PSEN2: variants seen among roughly 807,000 people sequenced by gnomAD.
PSEN2 encodes the protein presenilin-2.
Under a neutral mutation model 49.1 loss-of-function variants are expected in PSEN2, and 32 were observed. The observed-to-expected ratio is 0.65, with a 90% CI of 0.49 to 0.88. The LOEUF (loss-of-function observed/expected upper bound fraction) is 0.88, where lower values mean the gene tolerates loss of function less well. Among genes scored for constraint, PSEN2 ranks in the 40% least tolerant of loss-of-function variants. PSEN2 has a pLI of 0.00. For missense variants in PSEN2, 522 were observed against 586.9 expected, an observed-to-expected ratio of 0.89 and a Z score of 1.14; for synonymous variants, 255 against 244.0, an observed-to-expected ratio of 1.05 and a Z score of -0.42.
intron 3 of PSEN2, among the ~76,000 whole-genome samples, chr1:226,876,104 G>A (rs1660611388): frequency 6.6e-6 from 1 of 152,112 alleles, no homozygotes; most frequent in Admixed American, 6.6e-5. Flanking sequence ...ACCCCCACCT[G>A]CCCGTGAGTC....
chr1:226,878,400 G>A lies in PSEN2; in HGVS notation c.-21+2850G>A, dbSNP rs1000648476. Among the ~76,000 whole-genome samples, 27 of 152,162 alleles carry A rather than the reference G, an allele frequency of 1.8e-4. No homozygotes were observed. The South Asian group carries it at 3.1e-3, about 18-fold the overall frequency. On this transcript the variant is annotated intron_variant, in intron 3 of 12. Transcript: ENST00000366783. The stretch of plus-strand genomic sequence containing the variant: ...TAGTGGTTGGCAACTGAATGGAGAC[G>A]TGGGAATTGTAAGGAACTGATTCTA...
chr1:226,884,071 G>A (rs545410798), intron 5 of PSEN2, 152 bp downstream of exon 5: 1 of 675,240 alleles, frequency 1.5e-6, no homozygotes, highest in South Asian at 1.8e-5. Context: ...TTCATGGCCT[G>A]GCTCACTGCC....
chr1:226,900,704 G>A (rs930670932), downstream of PSEN2, among the ~76,000 whole-genome samples: 1 of 152,142 alleles, frequency 6.6e-6, no homozygotes, highest in African/African-American at 2.4e-5. Flanking sequence ...GCTCCCTGAA[G>A]GCAGCCAGGG....
intron 3 of PSEN2, among the ~76,000 whole-genome samples, chr1:226,878,131 G>A (rs1660751585): frequency 6.6e-6 from 1 of 151,478 alleles, no homozygotes; most frequent in Admixed American, 6.6e-5. Context: ...CCAGGCTGAA[G>A]TGCAGTGGTG....
At chr1:226,903,243 C>T (rs1363427512) in intron 12 of PSEN2, among the ~76,000 whole-genome samples, 5 of 152,124 alleles carry the variant, frequency 3.3e-5, no homozygotes, top group Admixed American at 6.5e-5. Context: ...GATTTTGTCT[C>T]AGCCCTTGCT....
intron 4 of PSEN2, among the ~76,000 whole-genome samples, 183 bp downstream of exon 4, chr1:226,882,231 C>T (rs1407924216): frequency 1.3e-5 from 2 of 152,196 alleles, no homozygotes; most frequent in African/African-American, 2.4e-5. Context: ...CATAGGACTG[C>T]GCATTCACAG....
At chr1:226,891,484 C>T (rs917431713) in intron 10 of PSEN2, 123 bp downstream of exon 10, 118 of 888,530 alleles carry the variant, frequency 1.3e-4, no homozygotes, top group African/African-American at 3.8e-4. Flanking sequence ...GGGAAAGGTC[C>T]GTTGAAAACC....
intron 3 of PSEN2, among the ~76,000 whole-genome samples, chr1:226,879,262 G>C (rs1327322849): frequency 1.3e-5 from 2 of 152,172 alleles, no homozygotes; most frequent in African/African-American, 4.8e-5. Flanking sequence ...AGGTCCTGCA[G>C]CTCTTTGGGG....
intron 7 of PSEN2, 51 bp from the exon 8 acceptor site, chr1:226,888,778 C>A: frequency 6.6e-7 from 1 of 1,505,002 alleles, no homozygotes; most frequent in Non-Finnish European, 9.3e-7. Flanking sequence ...AACTGCTAGG[C>A]TGTAATGCCT....
At chr1:226,897,059 T>C (rs534620706), downstream of PSEN2, among the ~76,000 whole-genome samples, 146 of 152,226 alleles carry the variant, frequency 9.6e-4, no homozygotes, top group African/African-American at 3.2e-3. Flanking sequence ...GGCCGAACAC[T>C]GGCGGGTGGA....
intron 3 of PSEN2, among the ~76,000 whole-genome samples, chr1:226,876,492 G>C (rs922856572): frequency 2.0e-5 from 3 of 152,106 alleles, no homozygotes; most frequent in Non-Finnish European, 4.4e-5. Context: ...AGAATTAATA[G>C]CCTAAAATAA....
At chr1:226,893,150 C>T (rs949378985) in intron 11 of PSEN2, among the ~76,000 whole-genome samples, 4 of 152,094 alleles carry the variant, frequency 2.6e-5, no homozygotes, top group African/African-American at 4.8e-5. Flanking sequence ...GGGCTGGTTT[C>T]GAACTCCTGG....
Position 226,891,801 on chromosome 1 carries a change from C to A in PSEN2, c.1029C>A (p.Pro343=). The A allele has an allele frequency of 6.2e-7, 1 of 1,614,102 alleles. No homozygotes were observed. The highest frequency in any genetic ancestry group is 1.3e-5 in the African/African-American group (1 of 75,048). ...CATACCCCGAAGTCTTTGAGCCTCC[C>A]TTGACTGGCTACCCAGGGGAGGAGC... ...EPSYPEVFEP[P]LTGYPGEELE... is the part of the protein sequence containing the mutation. Residue 343 remains proline, a synonymous_variant, in exon 11 of 13, where the codon CCC becomes CCA. Transcript: ENST00000366783.
chr1:226,884,930 TAAAAA>T (rs1047582235), intron 5 of PSEN2, among the ~76,000 whole-genome samples: 1 of 152,004 alleles, frequency 6.6e-6, no homozygotes, highest in East Asian at 1.9e-4. Flanking sequence ...TTTAAAAAAT[TAAAAA>T]AGAAGTAGAG....
intron 3 of PSEN2, among the ~76,000 whole-genome samples, chr1:226,881,049 T>C (rs932819661): frequency 6.6e-6 from 1 of 152,206 alleles, no homozygotes; most frequent in Non-Finnish European, 1.5e-5. Context: ...GACTGTGTTT[T>C]CTCTCCTGCG....
chr1:226,884,903 C>G (rs1661251298), intron 5 of PSEN2, among the ~76,000 whole-genome samples: 1 of 152,080 alleles, frequency 6.6e-6, no homozygotes. Context: ...CAGAGTGAGA[C>G]CCTGTCTCAA....
chr1:226,886,111 T>G (rs940298457), intron 6 of PSEN2, among the ~76,000 whole-genome samples: 6 of 150,040 alleles, frequency 4.0e-5, no homozygotes, highest in African/African-American at 1.5e-4. Flanking sequence ...TCAAGTGATC[T>G]CCCACCTTGG....
At chr1:226,889,915 G>T in intron 8 of PSEN2, 120 bp from the exon 9 acceptor site, 1 of 812,720 alleles carries the variant, frequency 1.2e-6, no homozygotes, top group Non-Finnish European at 2.1e-6. Context: ...AATTTGGGAT[G>T]CCAGCCCAGA....
chr1:226,894,222 AT>A, intron 12 of PSEN2, 97 bp downstream of exon 12: 3 of 848,098 alleles, frequency 3.5e-6, no homozygotes, highest in Non-Finnish European at 5.7e-6. Context: ...GGGATTTTTC[AT>A]TTCTTCTCTT....
Sources: allele counts gnomAD v4.1 joint callset (sites outside exome capture counted in the v4.1 genomes callset), GRCh38; gene constraint gnomAD v4.1.1; transcripts MANE v1.5; gene names NCBI Gene and HGNC (gene_info 2026-07-23, HGNC 2026-07-21).